The following MYO6 variants were observed in gnomAD, a reference collection of about 807,000 sequenced individuals.
The protein encoded by MYO6 is myosin VI.
A neutral mutation model predicts 178.7 loss-of-function variants in MYO6; 74 were observed. The observed-to-expected ratio is 0.41, with a 90% CI of 0.34 to 0.50. The LOEUF is 0.50. Among genes scored for constraint, MYO6 ranks in the 20% least tolerant of loss-of-function variants. MYO6 has a pLI of 0.09. For synonymous variants in MYO6, 477 were observed against 504.6 expected (o/e 0.95, Z 0.73); for missense variants, 1,330 against 1,547.4 (o/e 0.86, Z 2.36).
chr6:75,909,857 C>T (rs1780629790), intron 32 of MYO6, among the ~76,000 whole-genome samples: 1 of 152,182 alleles, frequency 6.6e-6, no homozygotes, highest in Non-Finnish European at 1.5e-5. Context: ...TTGCTTTCCT[C>T]ACTACCTTCC....
In MYO6 at chr6:75,788,319, G is replaced by C. The variant is rs553872973; in HGVS notation, c.-47-29182G>C. Reference sequence around the variant, plus strand: ...GCGGAAGTTGCAGTGAGCCAAGATCGTGCCACTGCACTCCAGCCTGGGCAA... The same window carrying C: ...GCGGAAGTTGCAGTGAGCCAAGATCCTGCCACTGCACTCCAGCCTGGGCAA... On this transcript the variant is annotated intron_variant, in intron 1 of 34. Coordinates refer to ENST00000369977, the MANE Select transcript of MYO6 (RefSeq NM_004999.4). Among the ~76,000 whole-genome samples, 3 of 151,900 alleles carry C rather than the reference G, an allele frequency of 2.0e-5. No individual in the cohort carries two copies. The South Asian group carries it at 6.2e-4, about 32-fold the overall frequency.
intron 3 of MYO6, 35 bp downstream of exon 3, chr6:75,822,886 G>A (rs767500617): frequency 5.9e-5 from 88 of 1,498,946 alleles, no homozygotes; most frequent in Non-Finnish European, 7.7e-5. Context: ...TCTCCGCACA[G>A]AAAAGGAGAC....
At chr6:75,819,107 G>T (rs1410726524) in intron 2 of MYO6, among the ~76,000 whole-genome samples, 2 of 152,090 alleles carry the variant, frequency 1.3e-5, no homozygotes, top group Non-Finnish European at 2.9e-5. Context: ...ATTTTAATAT[G>T]CTTTACACTC....
At chr6:75,850,548 CA>C (rs748276890) in intron 11 of MYO6, among the ~76,000 whole-genome samples, 1 of 152,176 alleles carries the variant, frequency 6.6e-6, no homozygotes, top group Non-Finnish European at 1.5e-5. Flanking sequence ...TATGAATGAA[CA>C]GACTAAAACA....
chr6:75,846,304 T>C (rs886151337), intron 10 of MYO6, among the ~76,000 whole-genome samples: 1 of 152,014 alleles, frequency 6.6e-6, no homozygotes, highest in African/African-American at 2.4e-5. Context: ...TTATTAAATA[T>C]TTAAATTGAG....
intron 2 of MYO6, among the ~76,000 whole-genome samples, chr6:75,822,412 T>A (rs1048229187): frequency 3.9e-5 from 6 of 152,180 alleles, no homozygotes; most frequent in African/African-American, 1.4e-4. Context: ...TTTCCTTTTT[T>A]AAAACACTGA....
intron 17 of MYO6, 70 bp downstream of exon 17, chr6:75,866,691 A>C: frequency 7.5e-7 from 1 of 1,324,996 alleles, no homozygotes. Flanking sequence ...GATAGCTTCT[A>C]GTCACGTGGT....
chr6:75,779,173 A>G (rs1248139643), intron 1 of MYO6, among the ~76,000 whole-genome samples: 3 of 151,730 alleles, frequency 2.0e-5, no homozygotes, highest in Non-Finnish European at 2.9e-5. Context: ...TGCTGGGATT[A>G]CAGGCACATG....
At chr6:75,850,423 C>T (rs1020191659) in intron 11 of MYO6, among the ~76,000 whole-genome samples, 8 of 152,190 alleles carry the variant, frequency 5.3e-5, no homozygotes, top group Middle Eastern at 3.4e-3. Context: ...TGAAATGATG[C>T]ATGTGGTTAT....
chr6:75,914,404 G>A (rs1219841823), intron 34 of MYO6, 123 bp downstream of exon 34: 2 of 1,010,472 alleles, frequency 2.0e-6, no homozygotes, highest in Non-Finnish European at 3.0e-6. Context: ...ATGGAGTCTT[G>A]CGGTTAAATC....
intron 1 of MYO6, among the ~76,000 whole-genome samples, chr6:75,756,907 A>ATG (rs1777412912): frequency 1.0e-5 from 1 of 95,686 alleles, no homozygotes; most frequent in African/African-American, 3.2e-5. Context: ...ATATATATAT[A>ATG]TATACACATA....
In MYO6 at chr6:75,769,684, G is replaced by A. The variant is rs932262347; in HGVS notation, c.-48+20261G>A. Among the ~76,000 whole-genome samples, 4 of 152,006 alleles carry A rather than the reference G, an allele frequency of 2.6e-5. No homozygotes were observed. The South Asian group carries it at 6.2e-4, about 24-fold the overall frequency. On this transcript the variant is annotated intron_variant, in intron 1 of 34. Transcript: ENST00000369977. ...TGGGAGGCCGAGGTGGGTGGATCAC[G>A]AGGTCAGGAGATCGAGACCATCCTG... is the stretch of plus-strand genomic sequence containing the variant.
intron 1 of MYO6, among the ~76,000 whole-genome samples, chr6:75,790,640 A>G (rs771270741): frequency 2.0e-5 from 3 of 152,066 alleles, no homozygotes; most frequent in Non-Finnish European, 2.9e-5. Context: ...CGGCCTCCCA[A>G]TGTGTTTGGA....
rs2149443089 is a variant in MYO6, at chr6:75,919,133, G to A, written c.*4121G>A. 6.6e-6 allele frequency: 1 copy of A among 150,964 alleles called. No individual in the cohort carries two copies. Among genetic ancestry groups the A allele is most frequent in the Non-Finnish European group, 1.5e-5 (1 of 67,666 alleles). The allele number at this position is 150,964 out of a possible 1,614,324, so 9.4% of individuals were successfully genotyped here. A position where few individuals can be genotyped will look rare whatever the true frequency, so the allele number is the denominator to read the frequency against. ...AAATTCCATCTCAAAAAATAAAATA[G>A]ATTTAGGGGGTACAAGTGCAGTTTT... On this transcript the variant is annotated 3_prime_UTR_variant, in exon 35 of 35. Coordinates refer to ENST00000369977, the MANE Select transcript of MYO6 (RefSeq NM_004999.4).
chr6:75,818,954 C>A (rs1461330311), intron 2 of MYO6, among the ~76,000 whole-genome samples: 1 of 151,706 alleles, frequency 6.6e-6, no homozygotes, highest in African/African-American at 2.4e-5. Flanking sequence ...ATCAGAAGAC[C>A]AAAATGAAAT....
chr6:75,911,806 TGTA>T (rs1780774285), intron 33 of MYO6, 108 bp downstream of exon 33: 1 of 1,057,470 alleles, frequency 9.5e-7, no homozygotes, highest in Admixed American at 1.8e-5. Flanking sequence ...TCAGTGGAAT[TGTA>T]GTGTGTTAAA....
Position 75,776,890 on chromosome 6 carries a change from A to AT in MYO6, c.-48+27474dup, listed in dbSNP as rs1202704466. 2.6e-5 allele frequency among the ~76,000 whole-genome samples: 4 copies of AT among 152,176 alleles called. No homozygotes were observed. The East Asian group carries it at 5.8e-4, about 22-fold the overall frequency. ...ACTCCATAAAATGTTTTACAATTCT[A>AT]TTTTTTTATGTAACAATAGCTCATG... On this transcript the variant is annotated intron_variant, in intron 1 of 34. Transcript: ENST00000369977.
intron 1 of MYO6, among the ~76,000 whole-genome samples, chr6:75,757,955 T>C (rs1777604978): frequency 6.7e-6 from 1 of 149,632 alleles, no homozygotes; most frequent in South Asian, 2.1e-4. Flanking sequence ...GTGATTTGGT[T>C]GGAATCTTGA....
intron 28 of MYO6, 75 bp from the exon 29 acceptor site, chr6:75,895,154 AAC>A (rs1432540403): frequency 1.4e-5 from 16 of 1,135,740 alleles, no homozygotes; most frequent in Admixed American, 3.9e-5. Flanking sequence ...AAGTAATTGA[AAC>A]ACAAATTTGC....
Sources: allele counts gnomAD v4.1 joint callset (sites outside exome capture counted in the v4.1 genomes callset), GRCh38; gene constraint gnomAD v4.1.1; transcripts MANE v1.5; gene names NCBI Gene and HGNC (gene_info 2026-07-23, HGNC 2026-07-21).